The following ARHGEF28 variants were observed in gnomAD, a reference collection of about 807,000 sequenced individuals.
ARHGEF28 encodes the protein 190 kDa guanine nucleotide exchange factor.
In ARHGEF28, 152 loss-of-function variants were observed where a neutral mutation model predicts 206.6. The observed-to-expected ratio is 0.74, with a 90% CI of 0.64 to 0.84. The LOEUF is 0.84. Ranked by LOEUF, ARHGEF28 falls within the 40% of genes least tolerant of loss-of-function variation. The pLI is 0.00. For synonymous variants in ARHGEF28, 763 were observed against 776.4 expected (o/e 0.98, Z 0.29); for missense variants, 2,028 against 2,073.2 (o/e 0.98, Z 0.42).
chr5:73,756,474 T>C (rs979593667), intron 4 of ARHGEF28, among the ~76,000 whole-genome samples: 2 of 152,228 alleles, frequency 1.3e-5, no homozygotes, highest in African/African-American at 4.8e-5. Context: ...GTAGTGTAGC[T>C]TCTCTACAAC....
intron 2 of ARHGEF28, among the ~76,000 whole-genome samples, chr5:73,700,288 G>A (rs1313360538): frequency 1.3e-5 from 2 of 152,066 alleles, no homozygotes; most frequent in Non-Finnish European, 2.9e-5. Flanking sequence ...ATATATTGAC[G>A]GAACACTTCT....
In ARHGEF28 at chr5:73,882,525, C is replaced by A; in HGVS notation, c.2868C>A (p.Cys956Ter). The A allele has an allele frequency of 6.6e-7, 1 of 1,506,246 alleles. No homozygotes were observed. Among genetic ancestry groups the A allele is most frequent in the Non-Finnish European group, 9.0e-7 (1 of 1,115,898 alleles). 93.3% of individuals were successfully genotyped at this position (1,506,246 alleles called of 1,614,324 possible). A position where few individuals can be genotyped will look rare whatever the true frequency, so the allele number is the denominator to read the frequency against. The change falls in exon 23 of 36, where the codon TGC (cysteine) becomes TGA (stop). Residue 956 changes from cysteine to a stop codon, truncating the protein, a stop_gained. Coordinates refer to ENST00000513042, the MANE Select transcript of ARHGEF28 (RefSeq NM_001177693.2). LOFTEE classifies it high-confidence loss of function. ...AGAAAATATATGGAGAATTCTGTTG[C>A]CATCATAAAGAAGCTGTTAACCTCT... ...KMKKIYGEFC[C>*]HHKEAVNLFK...
chr5:73,796,042 T>C (rs979859651), intron 9 of ARHGEF28, among the ~76,000 whole-genome samples: 8 of 152,232 alleles, frequency 5.3e-5, no homozygotes, highest in African/African-American at 1.9e-4. Context: ...GACCCCTTCC[T>C]AAATCTCCTC....
In ARHGEF28 at chr5:73,885,750, A is replaced by G. The variant is rs1761241578; in HGVS notation, c.3056-100A>G. On this transcript the variant is annotated intron_variant, in intron 24 of 35. Coordinates refer to ENST00000513042, the MANE Select transcript of ARHGEF28 (RefSeq NM_001177693.2). ...ATGGGATTTTTATTGTTTAGATGAT[A>G]CATTTAACTATATTTTAAAACTAAA... is the stretch of plus-strand genomic sequence containing the variant. The G allele has an allele frequency of 6.6e-6, 8 of 1,217,370 alleles. No individual in the cohort carries two copies. The South Asian group carries it at 1.2e-4, about 19-fold the overall frequency. 75.4% of individuals were successfully genotyped at this position (1,217,370 alleles called of 1,614,324 possible).
intron 1 of ARHGEF28, among the ~76,000 whole-genome samples, chr5:73,668,766 A>ACCCTTCTATTGGAAG (rs60620449): frequency 0.73 from 111,028 of 151,450 alleles, 40,745 homozygotes; most frequent in East Asian, 0.82. Context: ...TTACTTGGAA[A>ACCCTTCTATTGGAAG]CCCTTCTAAG....
Position 73,726,132 on chromosome 5 carries a change from C to T in ARHGEF28, c.34-23705C>T, listed in dbSNP as rs932769889. ...AAGACCATATCCCTAAAAGTTTAAA[C>T]CAGGGGAGAAAGTGTGTGTGCATAT... is the stretch of plus-strand genomic sequence containing the variant. On this transcript the variant is annotated intron_variant, in intron 2 of 35. Transcript: ENST00000513042. Among the ~76,000 whole-genome samples the T allele has an allele frequency of 3.3e-5, 5 of 152,106 alleles. No individual in the cohort carries two copies. The South Asian group carries it at 8.3e-4, about 25-fold the overall frequency.
At chr5:73,674,982 T>C (rs551427501) in intron 1 of ARHGEF28, among the ~76,000 whole-genome samples, 1 of 152,300 alleles carries the variant, frequency 6.6e-6, no homozygotes, top group Admixed American at 6.5e-5. Flanking sequence ...AACCAGTACA[T>C]GTAAGTGTTT....
chr5:73,773,590 G>A (rs576181519), intron 4 of ARHGEF28, among the ~76,000 whole-genome samples: 10 of 152,278 alleles, frequency 6.6e-5, no homozygotes, highest in South Asian at 2.1e-4. Flanking sequence ...GAAAGATGAC[G>A]TGAATGTGTA....
At chr5:73,797,265 A>G (rs1184233199) in intron 9 of ARHGEF28, among the ~76,000 whole-genome samples, 3 of 135,258 alleles carry the variant, frequency 2.2e-5, no homozygotes, top group East Asian at 2.1e-4. Flanking sequence ...AAAGGAAATT[A>G]TAACAGATTT....
intron 2 of ARHGEF28, among the ~76,000 whole-genome samples, chr5:73,718,252 G>A (rs1749709280): frequency 6.6e-6 from 1 of 152,142 alleles, no homozygotes; most frequent in Admixed American, 6.5e-5. Flanking sequence ...GAAGAATGTA[G>A]TTTCTTCAGG....
At chr5:73,875,270 G>T (rs1760387956) in intron 22 of ARHGEF28, among the ~76,000 whole-genome samples, 2 of 151,434 alleles carry the variant, frequency 1.3e-5, no homozygotes, top group South Asian at 4.2e-4. Flanking sequence ...GGGGTTGTTT[G>T]TTTTTTTCTT....
chr5:73,782,533 C>T (rs955821156), intron 7 of ARHGEF28, among the ~76,000 whole-genome samples: 2 of 152,118 alleles, frequency 1.3e-5, no homozygotes, highest in Non-Finnish European at 2.9e-5. Context: ...TGGCCCATCC[C>T]GACTGCATAT....
At chr5:73,860,001 G>A (rs1215550513) in intron 16 of ARHGEF28, among the ~76,000 whole-genome samples, 1 of 152,184 alleles carries the variant, frequency 6.6e-6, no homozygotes, top group Admixed American at 6.5e-5. Context: ...TTCTAGTCAA[G>A]TCTGAGTCTT....
chr5:73,655,348 T>G (rs890159750), intron 1 of ARHGEF28, among the ~76,000 whole-genome samples: 1 of 152,216 alleles, frequency 6.6e-6, no homozygotes, highest in African/African-American at 2.4e-5. Context: ...ATTTTTGACC[T>G]GTTTAATATT....
intron 1 of ARHGEF28, among the ~76,000 whole-genome samples, chr5:73,680,689 A>C (rs1000930530): frequency 6.6e-6 from 1 of 152,116 alleles, no homozygotes; most frequent in Non-Finnish European, 1.5e-5. Context: ...TTAAAAAAAA[A>C]TTTTGAGTAT....
At position 73,682,440 on chromosome 5, in the gene ARHGEF28, TG is replaced by T. The variant is rs1182893473; in HGVS notation, c.-11-2400del. On this transcript the variant is annotated intron_variant, in intron 1 of 35. Transcript: ENST00000513042. The stretch of plus-strand genomic sequence containing the variant: ...ATTCTTTTTTTTTTTTTTTTGAGAT[TG>T]AGTTTCACTCTTATTGCCCAGGCTG... 7.9e-5 allele frequency among the ~76,000 whole-genome samples: 12 copies of T among 151,632 alleles called. No individual in the cohort carries two copies. The East Asian group carries it at 2.3e-3, about 30-fold the overall frequency.
At chr5:73,821,072 T>A (rs951868722) in intron 9 of ARHGEF28, among the ~76,000 whole-genome samples, 14 of 151,794 alleles carry the variant, frequency 9.2e-5, no homozygotes, top group Non-Finnish European at 2.9e-5. Flanking sequence ...CAATCGAGAG[T>A]CCTGGTTATG....
At chr5:73,884,251 C>G (rs1436952255) in intron 24 of ARHGEF28, among the ~76,000 whole-genome samples, 1 of 152,202 alleles carries the variant, frequency 6.6e-6, no homozygotes, top group Non-Finnish European at 1.5e-5. Flanking sequence ...AAAATGTCAA[C>G]TCTCCCAAGC....
intron 4 of ARHGEF28, among the ~76,000 whole-genome samples, chr5:73,764,736 C>T (rs1038008656): frequency 6.6e-6 from 1 of 152,164 alleles, no homozygotes; most frequent in Non-Finnish European, 1.5e-5. Flanking sequence ...TGTGGAATGT[C>T]CTGATTTCAT....
Sources: allele counts gnomAD v4.1 joint callset (sites outside exome capture counted in the v4.1 genomes callset), GRCh38; gene constraint gnomAD v4.1.1; transcripts MANE v1.5; gene names NCBI Gene and HGNC (gene_info 2026-07-23, HGNC 2026-07-21).